RALGAPA2: variants seen among roughly 807,000 people sequenced by gnomAD.
RALGAPA2 encodes ral GTPase-activating protein subunit alpha-2.
In RALGAPA2, 139 loss-of-function variants were observed where a neutral mutation model predicts 230.4. The ratio of observed to expected loss-of-function variants is 0.60; its 90% CI spans 0.53 to 0.69. The LOEUF (loss-of-function observed/expected upper bound fraction) is 0.69. Ranked by LOEUF, RALGAPA2 falls within the 30% of genes least tolerant of loss-of-function variation. RALGAPA2 has a pLI of 0.00. For missense variants in RALGAPA2, 2,163 were observed against 2,276.0 expected, an observed-to-expected ratio of 0.95 and a Z score of 1.01; for synonymous variants, 847 against 837.8, an observed-to-expected ratio of 1.01 and a Z score of -0.19.
intron 37 of RALGAPA2, among the ~76,000 whole-genome samples, chr20:20,458,428 T>TATATTATATAATACATAC (rs1569417165): frequency 1.0e-4 from 14 of 139,010 alleles, no homozygotes; most frequent in African/African-American, 3.9e-4. Flanking sequence ...ATAATATATA[T>TATATTATATAATACATAC]GTATTTTTTA....
At chr20:20,460,009 G>A (rs761580430) in intron 37 of RALGAPA2, among the ~76,000 whole-genome samples, 3 of 152,176 alleles carry the variant, frequency 2.0e-5, no homozygotes, top group Non-Finnish European at 4.4e-5. Flanking sequence ...GAAGCCCCCT[G>A]AGGCCACTCA....
chr20:20,697,889 A>G (rs887100581), intron 1 of RALGAPA2, among the ~76,000 whole-genome samples: 2 of 152,224 alleles, frequency 1.3e-5, no homozygotes, highest in African/African-American at 4.8e-5. Context: ...AAGTACCCTG[A>G]CCACATACAT....
chr20:20,532,444 C>T (rs1477255382), intron 26 of RALGAPA2, among the ~76,000 whole-genome samples: 1 of 152,004 alleles, frequency 6.6e-6, no homozygotes, highest in East Asian at 1.9e-4. Flanking sequence ...GGTTTAGATG[C>T]AGTAGGTGTA....
intron 3 of RALGAPA2, among the ~76,000 whole-genome samples, chr20:20,668,505 T>C (rs1259824454): frequency 6.6e-6 from 1 of 152,226 alleles, no homozygotes; most frequent in Non-Finnish European, 1.5e-5. Flanking sequence ...TATATGTCCT[T>C]GTCCCTCTTC....
chr20:20,521,757 C>T (rs1242481368), intron 30 of RALGAPA2, among the ~76,000 whole-genome samples: 1 of 150,760 alleles, frequency 6.6e-6, no homozygotes, highest in African/African-American at 2.4e-5. Context: ...CCTTTTTAAT[C>T]ATAAATTCAA....
At chr20:20,441,278 A>T (rs922374088) in intron 37 of RALGAPA2, among the ~76,000 whole-genome samples, 1 of 152,224 alleles carries the variant, frequency 6.6e-6, no homozygotes, top group Non-Finnish European at 1.5e-5. Context: ...CCTTTTTCAT[A>T]ACAGAAAATG....
intron 31 of RALGAPA2, among the ~76,000 whole-genome samples, chr20:20,518,068 TC>T (rs999235812): frequency 1.3e-5 from 2 of 151,780 alleles, no homozygotes; most frequent in African/African-American, 2.4e-5. Flanking sequence ...ATAATTTTTT[TC>T]CCCCCGAGAT....
chr20:20,422,910 G>A (rs1378555632), intron 37 of RALGAPA2, among the ~76,000 whole-genome samples: 2 of 152,160 alleles, frequency 1.3e-5, no homozygotes, highest in South Asian at 2.1e-4. Context: ...ATGAGGAGTG[G>A]GTCTTCGTCA....
At chr20:20,474,145 G>A (rs955542952) in intron 36 of RALGAPA2, among the ~76,000 whole-genome samples, 4 of 152,152 alleles carry the variant, frequency 2.6e-5, no homozygotes, top group Non-Finnish European at 4.4e-5. Flanking sequence ...TTTAAGAAGA[G>A]GATGACATTT....
At chr20:20,396,824 T>G in intron 38 of RALGAPA2, 90 bp from the exon 39 acceptor site, 2 of 1,132,124 alleles carry the variant, frequency 1.8e-6, no homozygotes, top group Non-Finnish European at 2.6e-6. Context: ...AATAATACAT[T>G]TATCCCTGAG....
chr20:20,557,626 A>G (rs1302826053), intron 23 of RALGAPA2, among the ~76,000 whole-genome samples: 1 of 152,208 alleles, frequency 6.6e-6, no homozygotes, highest in Non-Finnish European at 1.5e-5. Flanking sequence ...AAGTAAAATA[A>G]TATTCTCATT....
chr20:20,588,119 G>A (rs1434440457), intron 18 of RALGAPA2, among the ~76,000 whole-genome samples: 1 of 152,080 alleles, frequency 6.6e-6, no homozygotes, highest in Non-Finnish European at 1.5e-5. Context: ...TCCATTCCTA[G>A]ATAGCCATCA....
rs754171888 is a variant in RALGAPA2 at position 20,605,251 on chromosome 20, G to A, written c.1962C>T (p.Thr654=). Residue 654 remains threonine, a synonymous_variant, in exon 15 of 40, where the codon ACC becomes ACT. Transcript: ENST00000202677. ...MDSLTAVLAR[T]VYGVEMTNLP... is the part of the protein sequence containing the mutation. ...GGTTTGTCATCTCAACTCCATAAAC[G>A]GTTCTTGCAAGCACTGCTGTCAAGG... is the stretch of plus-strand genomic sequence containing the variant. 9 of 1,613,604 alleles carry A rather than the reference G, an allele frequency of 5.6e-6. No individual in the cohort carries two copies. Among genetic ancestry groups the A allele is most frequent in the African/African-American group, 1.3e-5 (1 of 74,848 alleles).
At chr20:20,619,174 A>C in intron 12 of RALGAPA2, 103 bp downstream of exon 12, 3 of 1,144,108 alleles carry the variant, frequency 2.6e-6, no homozygotes, top group Non-Finnish European at 3.4e-6. Context: ...ATGGCTACAA[A>C]TACCACCATA....
At chr20:20,631,213 T>C (rs1347806852) in intron 9 of RALGAPA2, among the ~76,000 whole-genome samples, 1 of 152,192 alleles carries the variant, frequency 6.6e-6, no homozygotes, top group Non-Finnish European at 1.5e-5. Flanking sequence ...AGAAGTCCCA[T>C]ATGAGCCCAG....
chr20:20,656,385 G>A (rs7265332), intron 3 of RALGAPA2, among the ~76,000 whole-genome samples: 11,100 of 152,140 alleles, frequency 0.073, 535 homozygotes, highest in East Asian at 0.16. Context: ...TCACATAACA[G>A]AATGACTTCA....
chr20:20,594,575 T>A (rs1309317123), intron 16 of RALGAPA2, among the ~76,000 whole-genome samples: 1 of 152,110 alleles, frequency 6.6e-6, no homozygotes, highest in Non-Finnish European at 1.5e-5. Context: ...TTTGTTTAAA[T>A]CACTTCAAAG....
intron 16 of RALGAPA2, among the ~76,000 whole-genome samples, chr20:20,595,685 G>A (rs2065430858): frequency 6.6e-6 from 1 of 152,162 alleles, no homozygotes; most frequent in African/African-American, 2.4e-5. Context: ...CGGACGTGGT[G>A]GCTCACACCT....
intron 37 of RALGAPA2, among the ~76,000 whole-genome samples, chr20:20,415,296 G>A (rs558497438): frequency 6.6e-6 from 1 of 152,320 alleles, no homozygotes; most frequent in African/African-American, 2.4e-5. Context: ...ATCCCTGGAC[G>A]GTCAAAGACC....
Sources: gnomAD v4.1 joint callset for allele counts (sites outside exome capture counted in the v4.1 genomes callset) on GRCh38, gnomAD v4.1.1 for gene constraint, MANE v1.5 for transcripts, NCBI Gene and HGNC (gene_info 2026-07-23, HGNC 2026-07-21) for gene names.